Variants in CEP350 observed in about 807,000 individuals in gnomAD.
CEP350 encodes the protein centrosome-associated protein 350.
A neutral mutation model predicts 331.8 loss-of-function variants in CEP350; 126 were observed. The ratio of observed to expected loss-of-function variants is 0.38; its 90% CI spans 0.33 to 0.44. CEP350 has a LOEUF of 0.44. CEP350 is among the 20% of genes least tolerant of loss of function. The probability of loss-of-function intolerance (pLI) is 1.00; values close to 1 mark genes in which losing one functional copy is unlikely to be tolerated. For synonymous variants in CEP350, 1,200 were observed against 1,259.5 expected (o/e 0.95, Z 1.00); for missense variants, 3,406 against 3,634.6 (o/e 0.94, Z 1.62).
chr1:180,041,720 T>C lies in CEP350; in HGVS notation c.4280T>C (p.Leu1427Pro). 6.2e-7 allele frequency: 1 copy of C among 1,613,678 alleles called. No individual in the cohort carries two copies. Among genetic ancestry groups the C allele is most frequent in the Non-Finnish European group, 8.5e-7 (1 of 1,179,736 alleles). The change falls in exon 19 of 38, where the codon CTG becomes CCG. Residue 1427 changes from leucine to proline, a missense_variant. Physicochemically the swap from Leu to Pro is moderately conservative, Grantham distance 98. This residue lies in a region of CEP350 where 1,857 missense variants were observed against 1,909.2 expected (regional missense o/e 0.97). Transcript: ENST00000367607. ...VQSQREVTEVLQEATCKIAAQ... is the reference protein window; with the variant it reads ...VQSQREVTEVPQEATCKIAAQ... ...TCACAACGGGAAGTAACTGAAGTCC[T>C]GCAGGAAGCAACGTGTAAAATAGCA...
intron 25 of CEP350, among the ~76,000 whole-genome samples, chr1:180,061,812 G>A (rs1275764472): frequency 6.6e-6 from 1 of 152,140 alleles, no homozygotes; most frequent in Admixed American, 6.5e-5. Flanking sequence ...GGGCATTAAA[G>A]CATTATTTGA....
chr1:179,997,819 T>G (rs570443649), intron 6 of CEP350, among the ~76,000 whole-genome samples: 14 of 152,310 alleles, frequency 9.2e-5, no homozygotes, highest in Non-Finnish European at 1.8e-4. Context: ...AAAAGTAATA[T>G]TTAAAAGATA....
At chr1:180,042,039 T>C (rs1027794706) in intron 19 of CEP350, among the ~76,000 whole-genome samples, 2 of 152,074 alleles carry the variant, frequency 1.3e-5, no homozygotes, top group Non-Finnish European at 2.9e-5. Flanking sequence ...TGCCCTCTGG[T>C]AAGCTTTTTA....
chr1:180,046,766 G>A (rs1657150520), intron 21 of CEP350, among the ~76,000 whole-genome samples: 1 of 152,040 alleles, frequency 6.6e-6, no homozygotes, highest in Admixed American at 6.6e-5. Context: ...CATCTTAGGG[G>A]GGACCATGCA....
rs56173179 is a variant in CEP350, at chr1:180,084,023, A to C, written c.6130A>C (p.Thr2044Pro). 5,500 of 1,513,066 alleles carry C rather than the reference A, an allele frequency of 3.6e-3. 17 individuals are homozygous for C. Among genetic ancestry groups the C allele is most frequent in the Middle Eastern group, 4.7e-3 (27 of 5,694 alleles). 93.7% of individuals were successfully genotyped at this position (1,513,066 alleles called of 1,614,324 possible). ...AGATTTTGTATCTCTTTCAGAAACT[A>C]CATCTGACCAGAGTGATATTGAAGG... is the stretch of plus-strand genomic sequence containing the variant. ...ESLSMTQSET[T>P]SDQSDIEGRI... is the part of the protein sequence containing the mutation. The change falls in exon 31 of 38, where the codon ACA becomes CCA. Residue 2044 changes from threonine (T) to proline (P), a missense_variant. By Grantham distance (38) the Thr-to-Pro change is conservative. Coordinates refer to ENST00000367607, the MANE Select transcript of CEP350 (RefSeq NM_014810.5).
chr1:180,046,722 C>T (rs775780547), intron 21 of CEP350, among the ~76,000 whole-genome samples: 5 of 152,200 alleles, frequency 3.3e-5, no homozygotes, highest in Non-Finnish European at 7.3e-5. Context: ...TTTCTACAGT[C>T]CTCACCAATG....
In CEP350 at chr1:180,014,381, T is replaced by C. The variant is rs374345626; in HGVS notation, c.1928T>C (p.Val643Ala). The C allele has an allele frequency of 8.1e-6, 13 of 1,596,962 alleles. No individual in the cohort carries two copies. The African/African-American group carries it at 1.7e-4, about 21-fold the overall frequency. ...AAGCAGAAGGAAGCCTTTACTAAAG[T>C]AAAAAATGTCCCTCCTTCTGAGCCA... Reference protein sequence around the residue: ...YRKQKEAFTKVKNVPPSEPSA... With the variant: ...YRKQKEAFTKAKNVPPSEPSA... Residue 643 changes from valine (V) to alanine (A), a missense_variant, in exon 10 of 38, where the codon GTA becomes GCA. Around this residue, in one of 5 missense-constraint regions of CEP350, gnomAD observed 1,857 missense variants for 1,909.2 expected, o/e 0.97. Coordinates refer to ENST00000367607, the MANE Select transcript of CEP350 (RefSeq NM_014810.5).
Position 180,006,526 on chromosome 1 carries a change from T to C in CEP350, c.1205T>C (p.Val402Ala). ...EKKVVKPVRK[V>A]QKVAQLSSTE... ...AAAGTAGTCAAGCCAGTACGAAAAGTCCAAAAAGTAGCACAGTTATCAAGT... is the reference window on the plus strand; with the variant it reads ...AAAGTAGTCAAGCCAGTACGAAAAGCCCAAAAAGTAGCACAGTTATCAAGT... The change falls in exon 8 of 38, where the codon GTC becomes GCC. Residue 402 changes from valine (V) to alanine (A), a missense_variant. Transcript: ENST00000367607. The C allele has an allele frequency of 3.2e-6, 5 of 1,555,026 alleles. No individual in the cohort carries two copies. The highest frequency in any genetic ancestry group is 3.5e-6 in the Non-Finnish European group (4 of 1,147,500).
intron 7 of CEP350, among the ~76,000 whole-genome samples, chr1:180,004,886 G>GCTTTCTTTCTTT (rs1654120281): frequency 3.6e-5 from 2 of 55,672 alleles, no homozygotes; most frequent in Non-Finnish European, 7.8e-5. Context: ...TTGCTTGCTT[G>GCTTTCTTTCTTT]CTTGCTTGCT....
intron 5 of CEP350, among the ~76,000 whole-genome samples, chr1:179,995,819 A>G (rs1305157603): frequency 6.6e-6 from 1 of 152,202 alleles, no homozygotes; most frequent in Non-Finnish European, 1.5e-5. Flanking sequence ...CTTTGTGGTT[A>G]ACAGATTTAA....
intron 28 of CEP350, among the ~76,000 whole-genome samples, chr1:180,076,932 TTAATGA>T (rs1209047477): frequency 8.5e-5 from 13 of 152,208 alleles, no homozygotes; most frequent in Non-Finnish European, 1.9e-4. Context: ...GATACCGTAC[TTAATGA>T]TAAAATATAG....
Position 180,031,479 on chromosome 1 carries a change from C to T in CEP350, c.3710C>T (p.Ser1237Phe), listed in dbSNP as rs760323768. The change falls in exon 15 of 38, where the codon TCT becomes TTT. Residue 1237 changes from serine to phenylalanine, a missense_variant. Around this residue, in one of 5 missense-constraint regions of CEP350, gnomAD observed 1,857 missense variants for 1,909.2 expected, o/e 0.97. Coordinates refer to ENST00000367607, the MANE Select transcript of CEP350 (RefSeq NM_014810.5). ...ACAGATAGCACTTTGGAGGATCTTT[C>T]TGGACATTCTGTGAGGTAATGTATA... ...LDTDSTLEDL[S>F]GHSVSVSSDK... 3.4e-6 allele frequency: 5 copies of T among 1,479,966 alleles called. No homozygotes were observed. Among genetic ancestry groups the T allele is most frequent in the Non-Finnish European group, 4.5e-6 (5 of 1,108,138 alleles). The allele number at this position is 1,479,966 out of a possible 1,614,324, so 91.7% of individuals were successfully genotyped here.
chr1:179,972,269 A>G (rs184688949), intron 1 of CEP350, among the ~76,000 whole-genome samples: 71 of 152,252 alleles, frequency 4.7e-4, no homozygotes, highest in Admixed American at 1.4e-3. Context: ...GCGAGAGAGT[A>G]TAGTGTTAGA....
In CEP350 at chr1:180,097,996, G is replaced by A. The variant is rs763483918; in HGVS notation, c.9067-867G>A. On this transcript the variant is annotated intron_variant, in intron 36 of 37. Transcript: ENST00000367607. Reference sequence around the variant, plus strand: ...TTTTCTTTGTTTTTCTTGAGGTGGAGTTTCACTCTTGTTGCCCAGGCTGGA... The same window carrying A: ...TTTTCTTTGTTTTTCTTGAGGTGGAATTTCACTCTTGTTGCCCAGGCTGGA... 5.3e-5 allele frequency among the ~76,000 whole-genome samples: 8 copies of A among 152,174 alleles called. No homozygotes were observed. The South Asian group carries it at 8.3e-4, about 16-fold the overall frequency.
chr1:180,101,556 C>T (rs997390513), intron 37 of CEP350, among the ~76,000 whole-genome samples: 8 of 152,032 alleles, frequency 5.3e-5, no homozygotes, highest in African/African-American at 1.9e-4. Context: ...GGACTTTTCC[C>T]CCACACACCA....
intron 14 of CEP350, among the ~76,000 whole-genome samples, chr1:180,028,542 C>T (rs1655817818): frequency 6.6e-6 from 1 of 152,140 alleles, no homozygotes; most frequent in Non-Finnish European, 1.5e-5. Flanking sequence ...ATAATCTCAG[C>T]ATTTTGTGAG....
Position 180,095,911 on chromosome 1 carries a change from G to A in CEP350, c.8900G>A (p.Ser2967Asn), listed in dbSNP as rs774835759. The stretch of plus-strand genomic sequence containing the variant: ...AAAGGTCTAGATATAGAAAGCACTA[G>A]TAAAAGGGTCTACAAACAGGTAGGT... ...ASKGLDIEST[S>N]KRVYKQAVFD... The change falls in exon 35 of 38, where the codon AGT becomes AAT. Residue 2967 changes from serine (S) to asparagine (N), a missense_variant. Ser to Asn is a conservative substitution (Grantham distance 46, BLOSUM62 1). Transcript: ENST00000367607. 1 of 1,601,788 alleles carries A rather than the reference G, an allele frequency of 6.2e-7. No individual in the cohort carries two copies.
At position 180,006,353 on chromosome 1, in the gene CEP350, A is replaced by C. The variant is rs565586733; in HGVS notation, c.1133-101A>C. 103 of 662,344 alleles carry C rather than the reference A, an allele frequency of 1.6e-4. No homozygotes were observed. The East Asian group carries it at 2.7e-3, about 17-fold the overall frequency. The allele number at this position is 662,344 out of a possible 1,614,324, so 41.0% of individuals were successfully genotyped here. ...CCTCAGTGTAGGTTTCTTTCTCCCT[A>C]CCTGCAGCATATACTTTATACAGAT... On this transcript the variant is annotated intron_variant, in intron 7 of 37. Coordinates refer to ENST00000367607, the MANE Select transcript of CEP350 (RefSeq NM_014810.5).
At chr1:180,037,884 C>T (rs1389594143) in intron 17 of CEP350, among the ~76,000 whole-genome samples, 3 of 152,062 alleles carry the variant, frequency 2.0e-5, no homozygotes, top group East Asian at 1.9e-4. Context: ...CTCCTGACCT[C>T]GTGAACCACC....
Sources: gnomAD v4.1 joint callset for allele counts (sites outside exome capture counted in the v4.1 genomes callset) on GRCh38, gnomAD v4.1.1 for gene constraint, gnomAD v4.1.1 regional missense constraint, MANE v1.5 for transcripts, NCBI Gene and HGNC (gene_info 2026-07-23, HGNC 2026-07-21) for gene names.